CRIM1: variants seen among roughly 807,000 people sequenced by gnomAD.
The protein encoded by CRIM1 is cysteine-rich motor neuron 1 protein.
CRIM1 carries 32 observed loss-of-function variants against 116.4 expected under a neutral mutation model. The ratio of observed to expected loss-of-function variants is 0.27; its 90% confidence interval spans 0.21 to 0.37. The LOEUF is 0.37. Among genes scored for constraint, CRIM1 ranks in the 10% least tolerant of loss-of-function variants. The pLI is 1.00. For synonymous variants in CRIM1, 590 were observed against 509.2 expected, an observed-to-expected ratio of 1.16 and a Z score of -2.13; for missense variants, 1,331 against 1,354.8, an observed-to-expected ratio of 0.98 and a Z score of 0.28.
chr2:36,516,988 G>C (rs759203077), intron 11 of CRIM1, among the ~76,000 whole-genome samples: 1 of 152,172 alleles, frequency 6.6e-6, no homozygotes, highest in Non-Finnish European at 1.5e-5. Flanking sequence ...ATCTGAATCC[G>C]AGACAGTTCC....
chr2:36,538,721 G>A (rs57714519), intron 14 of CRIM1, among the ~76,000 whole-genome samples: 7,117 of 152,212 alleles, frequency 0.047, 579 homozygotes, highest in East Asian at 0.43. Context: ...CCATTTTTCA[G>A]AGCCTTCAGT....
At chr2:36,516,711 G>A (rs1665052258) in intron 11 of CRIM1, among the ~76,000 whole-genome samples, 1 of 152,116 alleles carries the variant, frequency 6.6e-6, no homozygotes, top group Non-Finnish European at 1.5e-5. Flanking sequence ...TCGACAGCAG[G>A]ACATATTTCC....
At chr2:36,482,177 C>G (rs1003104985) in intron 7 of CRIM1, among the ~76,000 whole-genome samples, 3 of 152,170 alleles carry the variant, frequency 2.0e-5, no homozygotes, top group Non-Finnish European at 4.4e-5. Flanking sequence ...GATCTCTCAT[C>G]AAACGTTTCA....
At chr2:36,523,968 A>G (rs1447328186) in intron 13 of CRIM1, among the ~76,000 whole-genome samples, 2 of 152,226 alleles carry the variant, frequency 1.3e-5, no homozygotes, top group Non-Finnish European at 2.9e-5. Context: ...GTAATGGTCA[A>G]AGAGTAATAA....
intron 13 of CRIM1, among the ~76,000 whole-genome samples, chr2:36,536,437 G>A (rs1666560500): frequency 6.6e-6 from 1 of 152,266 alleles, no homozygotes; most frequent in South Asian, 2.1e-4. Flanking sequence ...AATGTCCCCG[G>A]ATTAGTAGGT....
intron 2 of CRIM1, among the ~76,000 whole-genome samples, chr2:36,401,654 A>G (rs569169948): frequency 5.3e-5 from 8 of 152,358 alleles, no homozygotes; most frequent in African/African-American, 1.9e-4. Flanking sequence ...TCCATGATGC[A>G]GTGAATAAGT....
At chr2:36,451,067 G>C (rs3755207) in intron 4 of CRIM1, among the ~76,000 whole-genome samples, 14,896 of 152,202 alleles carry the variant, frequency 0.098, 810 homozygotes, top group East Asian at 0.29. Context: ...GCTACAGTGA[G>C]TGAAAACAAG....
chr2:36,422,647 G>A (rs188124697), intron 2 of CRIM1, among the ~76,000 whole-genome samples: 14 of 152,162 alleles, frequency 9.2e-5, no homozygotes, highest in South Asian at 2.1e-4. Context: ...TTAATGATAC[G>A]ATTCTTGAGG....
chr2:36,498,832 C>T (rs550575466), intron 7 of CRIM1, among the ~76,000 whole-genome samples: 1 of 152,290 alleles, frequency 6.6e-6, no homozygotes, highest in East Asian at 1.9e-4. Context: ...TGATAGTTGA[C>T]AGCTGTATCC....
At chr2:36,513,184 C>A in intron 10 of CRIM1, 1 of 231,862 alleles carries the variant, frequency 4.3e-6, no homozygotes, top group Non-Finnish European at 8.6e-6. Context: ...GCAAGGGGCC[C>A]AGGATGTCCC....
chr2:36,383,697 A>G (rs1670956420), intron 1 of CRIM1, among the ~76,000 whole-genome samples: 1 of 152,186 alleles, frequency 6.6e-6, no homozygotes, highest in Non-Finnish European at 1.5e-5. Context: ...TGTGCTGGAA[A>G]GAGAGAGGGA....
intron 4 of CRIM1, 91 bp from the exon 5 acceptor site, chr2:36,464,443 T>C (rs1677835914): frequency 4.3e-6 from 6 of 1,407,210 alleles, no homozygotes; most frequent in Non-Finnish European, 6.0e-6. Context: ...CCAGGTACTT[T>C]GCCACAGCCA....
intron 1 of CRIM1, among the ~76,000 whole-genome samples, chr2:36,395,977 A>C (rs1403207799): frequency 6.6e-6 from 1 of 152,196 alleles, no homozygotes; most frequent in Non-Finnish European, 1.5e-5. Context: ...CCAGACCGGA[A>C]TGCAGTGGCG....
intron 1 of CRIM1, among the ~76,000 whole-genome samples, chr2:36,365,333 T>C (rs552206106): frequency 6.6e-6 from 1 of 152,374 alleles, no homozygotes; most frequent in Non-Finnish European, 1.5e-5. Flanking sequence ...AATTTCCTTT[T>C]ATTGTTAGAA....
chr2:36,462,484 C>A (rs1271694558), intron 4 of CRIM1, among the ~76,000 whole-genome samples: 1 of 152,208 alleles, frequency 6.6e-6, no homozygotes, highest in Non-Finnish European at 1.5e-5. Flanking sequence ...TAGCAGAGAA[C>A]CCAGCACGTA....
chr2:36,520,429 G>A (rs1478295949), intron 12 of CRIM1, among the ~76,000 whole-genome samples: 1 of 152,236 alleles, frequency 6.6e-6, no homozygotes, highest in Non-Finnish European at 1.5e-5. Flanking sequence ...GCAAAAGTTA[G>A]CACTGGTCAG....
At chr2:36,543,981 T>G (rs1667137882) in intron 14 of CRIM1, among the ~76,000 whole-genome samples, 1 of 152,140 alleles carries the variant, frequency 6.6e-6, no homozygotes, top group South Asian at 2.1e-4. Context: ...GCTAACATAT[T>G]TTATGTAAGT....
rs752815339 is a variant in CRIM1 at position 36,544,463 on chromosome 2, C to T, written c.2711C>T (p.Thr904Met). The T allele has an allele frequency of 9.3e-6, 13 of 1,397,320 alleles. No individual in the cohort carries two copies. Among genetic ancestry groups the T allele is most frequent in the Admixed American group, 5.4e-5 (2 of 36,898 alleles). The allele number at this position is 1,397,320 out of a possible 1,614,324, so 86.6% of individuals were successfully genotyped here. A position where few individuals can be genotyped will look rare whatever the true frequency, so the allele number is the denominator to read the frequency against. The change falls in exon 15 of 17, where the codon ACG becomes ATG. Residue 904 changes from threonine to methionine, a missense_variant. Physicochemically the swap from Thr to Met is moderately conservative, Grantham distance 81 (BLOSUM62 -1). This residue lies in a region of CRIM1 where 283 missense variants were observed against 242.8 expected (regional missense o/e 1.17). Coordinates refer to ENST00000280527, the MANE Select transcript of CRIM1 (RefSeq NM_016441.3). The part of the protein sequence containing the change: ...EVDLEVPLWP[T>M]PSENDIVHLP... ...GACCTGGAGGTTCCCCTGTGGCCCACGCCTAGTGAAAATGATATCGTCCAT... is the reference window on the plus strand; with the variant it reads ...GACCTGGAGGTTCCCCTGTGGCCCATGCCTAGTGAAAATGATATCGTCCAT...
chr2:36,526,024 A>G (rs1315140062), intron 13 of CRIM1, among the ~76,000 whole-genome samples: 1 of 152,216 alleles, frequency 6.6e-6, no homozygotes, highest in Admixed American at 6.5e-5. Flanking sequence ...GATATGTAAT[A>G]TAGACATAAT....
Sources: allele counts gnomAD v4.1 joint callset (sites outside exome capture counted in the v4.1 genomes callset), GRCh38; gene constraint gnomAD v4.1.1; regional missense constraint gnomAD v4.1.1; transcripts MANE v1.5; gene names NCBI Gene and HGNC (gene_info 2026-07-23, HGNC 2026-07-21).